The following NPNT variants were observed in gnomAD, a reference collection of about 807,000 sequenced individuals.
The protein encoded by NPNT is preosteoblast EGF-like repeat protein with MAM domain.
A neutral mutation model predicts 68.6 loss-of-function variants in NPNT; 45 were observed. The ratio of observed to expected loss-of-function variants is 0.66; its 90% CI spans 0.52 to 0.84. NPNT has a LOEUF of 0.84. NPNT is among the 40% of genes least tolerant of loss of function. The pLI is 0.00. For missense variants in NPNT, 672 were observed against 714.8 expected, an observed-to-expected ratio of 0.94 and a Z score of 0.68; for synonymous variants, 233 against 253.3, an observed-to-expected ratio of 0.92 and a Z score of 0.76.
At chr4:105,955,743 G>T (rs1731179168) in intron 8 of NPNT, among the ~76,000 whole-genome samples, 1 of 151,456 alleles carries the variant, frequency 6.6e-6, no homozygotes, top group Admixed American at 6.6e-5. Context: ...ACATAATACT[G>T]CTTGAATGAT....
intron 2 of NPNT, among the ~76,000 whole-genome samples, chr4:105,915,105 A>G (rs1727695449): frequency 6.6e-6 from 1 of 152,138 alleles, no homozygotes; most frequent in South Asian, 2.1e-4. Context: ...AGACACGGAT[A>G]TAAGGGTTGG....
At chr4:105,900,335 A>T (rs529473759) in intron 2 of NPNT, among the ~76,000 whole-genome samples, 12 of 152,302 alleles carry the variant, frequency 7.9e-5, no homozygotes, top group African/African-American at 2.9e-4. Context: ...GTGTGTTTGT[A>T]GGTAGGGAAA....
At chr4:105,897,675 C>G (rs575984217) in intron 1 of NPNT, among the ~76,000 whole-genome samples, 47 of 152,202 alleles carry the variant, frequency 3.1e-4, no homozygotes, top group Admixed American at 2.8e-3. Flanking sequence ...TTTTCTCCTA[C>G]CCTTGTGTGT....
At chr4:105,967,092 AAAG>A in intron 10 of NPNT, 93 bp from the exon 11 acceptor site, 2 of 1,268,420 alleles carry the variant, frequency 1.6e-6, no homozygotes, top group African/African-American at 1.5e-5. Context: ...TTTACAAAGA[AAAG>A]AAAAAAAAAA....
chr4:105,945,021 G>C (rs908659461), intron 8 of NPNT, among the ~76,000 whole-genome samples: 3 of 152,092 alleles, frequency 2.0e-5, no homozygotes, highest in Admixed American at 1.3e-4. Context: ...CTCCGAGACA[G>C]GTCTGAGAAT....
At chr4:105,965,093 TA>T (rs1732013417) in intron 10 of NPNT, among the ~76,000 whole-genome samples, 1 of 152,186 alleles carries the variant, frequency 6.6e-6, no homozygotes, top group African/African-American at 2.4e-5. Flanking sequence ...GAATTAAAAA[TA>T]AATAAACTAA....
intron 2 of NPNT, 190 bp downstream of exon 2, chr4:105,898,191 G>T: frequency 2.4e-6 from 1 of 414,352 alleles, no homozygotes; most frequent in Non-Finnish European, 4.3e-6. Context: ...CCTGTATTAC[G>T]GCCCAGCTTT....
chr4:105,912,738 G>A (rs894893807), intron 2 of NPNT: 1 of 180,708 alleles, frequency 5.5e-6, no homozygotes, highest in African/African-American at 2.4e-5. Flanking sequence ...GTACATAAAG[G>A]GTTCCTTGTT....
chr4:105,939,354 T>C (rs1422238817), intron 5 of NPNT, among the ~76,000 whole-genome samples: 1 of 152,106 alleles, frequency 6.6e-6, no homozygotes, highest in African/African-American at 2.4e-5. Context: ...GGTTGGCCTG[T>C]GTGAGGTTTT....
At chr4:105,941,010 T>C (rs1729904314) in intron 7 of NPNT, among the ~76,000 whole-genome samples, 4 of 152,004 alleles carry the variant, frequency 2.6e-5, no homozygotes, top group South Asian at 2.1e-4. Flanking sequence ...TACATTTTTT[T>C]CCCTCTGTTT....
intron 2 of NPNT, among the ~76,000 whole-genome samples, chr4:105,917,283 G>A (rs1727895944): frequency 6.6e-6 from 1 of 152,196 alleles, no homozygotes; most frequent in Non-Finnish European, 1.5e-5. Context: ...TGCTCAGTCT[G>A]AGTCAAAGGC....
chr4:105,938,377 AT>A lies in NPNT; in HGVS notation c.463del (p.Ser155ProfsTer14). 1 of 1,613,536 alleles carries A rather than the reference AT, an allele frequency of 6.2e-7. No individual in the cohort carries two copies. The highest frequency in any genetic ancestry group is 8.5e-7 in the Non-Finnish European group (1 of 1,179,588). Reference sequence around the variant, plus strand: ...AAGGACAAATACGGTGCCAGTGCCCATCCCCTGGCCTGCAGCTGGCTCCTGA... The same window carrying A: ...AAGGACAAATACGGTGCCAGTGCCCACCCCTGGCCTGCAGCTGGCTCCTGA... The part of the protein sequence containing the change: ...VKGQIRCQCP[S>X]PGLQLAPDGR... On this transcript the variant is annotated frameshift_variant, in exon 5 of 12. Coordinates refer to ENST00000379987, the MANE Select transcript of NPNT (RefSeq NM_001033047.3). LOFTEE classifies it high-confidence loss of function.
At chr4:105,933,211 A>C (rs1051005108) in intron 3 of NPNT, among the ~76,000 whole-genome samples, 27 of 152,174 alleles carry the variant, frequency 1.8e-4, no homozygotes, top group African/African-American at 6.5e-4. Context: ...ATTTGATTAT[A>C]AGCAAGTCAT....
At chr4:105,961,374 T>C (rs1308814394) in intron 10 of NPNT, among the ~76,000 whole-genome samples, 1 of 152,198 alleles carries the variant, frequency 6.6e-6, no homozygotes, top group Non-Finnish European at 1.5e-5. Flanking sequence ...TTGGCAGTCA[T>C]GTATGACAGA....
chr4:105,942,036 T>C (rs1729998184), intron 7 of NPNT, among the ~76,000 whole-genome samples: 1 of 151,930 alleles, frequency 6.6e-6, no homozygotes, highest in Admixed American at 6.6e-5. Flanking sequence ...ACATATAAAT[T>C]ATTTAAACAC....
At chr4:105,904,585 A>G (rs2149320700) in intron 2 of NPNT, among the ~76,000 whole-genome samples, 1 of 152,348 alleles carries the variant, frequency 6.6e-6, no homozygotes, top group South Asian at 2.1e-4. Context: ...AGGGTCTCCC[A>G]GTGGCTTCCT....
chr4:105,932,674 A>T (rs1380396675), intron 3 of NPNT: 1 of 1,535,880 alleles, frequency 6.5e-7, no homozygotes, highest in African/African-American at 1.4e-5. Context: ...CAACCCCTGG[A>T]TCACCAAGCC....
chr4:105,921,588 A>G (rs1057254947), intron 2 of NPNT, among the ~76,000 whole-genome samples: 3 of 152,174 alleles, frequency 2.0e-5, no homozygotes, highest in Non-Finnish European at 4.4e-5. Context: ...AATTGACACT[A>G]TAGTACAGGG....
At chr4:105,905,513 G>T (rs760842159) in intron 2 of NPNT, among the ~76,000 whole-genome samples, 19 of 151,940 alleles carry the variant, frequency 1.3e-4, no homozygotes, top group Non-Finnish European at 2.6e-4. Context: ...AAGTACAAAC[G>T]GTTCTGTATC....
Sources: allele counts gnomAD v4.1 joint callset (sites outside exome capture counted in the v4.1 genomes callset), GRCh38; gene constraint gnomAD v4.1.1; transcripts MANE v1.5; gene names NCBI Gene and HGNC (gene_info 2026-07-23, HGNC 2026-07-21).